Variants in GALNTL6 observed in about 807,000 individuals in gnomAD.
GALNTL6 encodes polypeptide N-acetylgalactosaminyltransferase-like 6.
Under a neutral mutation model 73.7 loss-of-function variants are expected in GALNTL6, and 46 were observed. That is an observed-to-expected ratio of 0.62 (90% CI 0.49 to 0.80). The LOEUF is 0.80. Ranked by LOEUF, GALNTL6 falls within the 30% of genes least tolerant of loss-of-function variation. GALNTL6 has a pLI of 0.00. For missense variants in GALNTL6, 604 were observed against 755.0 expected (o/e 0.80, Z 2.34); for synonymous variants, 259 against 263.7 (o/e 0.98, Z 0.17).
At chr4:172,275,512 G>A (rs1286034665) in intron 3 of GALNTL6, among the ~76,000 whole-genome samples, 1 of 152,094 alleles carries the variant, frequency 6.6e-6, no homozygotes, top group African/African-American at 2.4e-5. Context: ...CTACCTTAGG[G>A]GTTTTTATGG....
chr4:172,072,325 A>C (rs1040568515), intron 2 of GALNTL6, among the ~76,000 whole-genome samples: 1 of 151,932 alleles, frequency 6.6e-6, no homozygotes, highest in African/African-American at 2.4e-5. Flanking sequence ...TTAGTGACTA[A>C]GGTTTGGTCC....
chr4:173,009,318 G>T, intron 11 of GALNTL6, 24 bp downstream of exon 11: 1 of 1,371,764 alleles, frequency 7.3e-7, no homozygotes. Flanking sequence ...CAGAAGCCAG[G>T]GCAGTGGGAA....
intron 6 of GALNTL6, among the ~76,000 whole-genome samples, chr4:172,811,768 T>A (rs1019301847): frequency 6.6e-6 from 1 of 152,180 alleles, no homozygotes; most frequent in African/African-American, 2.4e-5. Flanking sequence ...CTTTCCACAC[T>A]CCAGTATCCT....
chr4:171,917,371 C>A (rs80324096), intron 2 of GALNTL6, among the ~76,000 whole-genome samples: 5,158 of 152,136 alleles, frequency 0.034, 297 homozygotes, highest in African/African-American at 0.12. Flanking sequence ...TTGAACCCAA[C>A]TTTCAGATAT....
intron 5 of GALNTL6, among the ~76,000 whole-genome samples, chr4:172,554,770 C>A (rs958431142): frequency 6.6e-6 from 1 of 152,140 alleles, no homozygotes; most frequent in African/African-American, 2.4e-5. Context: ...TGCCCTCATA[C>A]AAATCCATTG....
intron 5 of GALNTL6, among the ~76,000 whole-genome samples, chr4:172,587,531 G>C (rs1737459937): frequency 6.6e-6 from 1 of 152,160 alleles, no homozygotes. Flanking sequence ...GCTTTCCACA[G>C]TGTGTCTCCC....
intron 5 of GALNTL6, among the ~76,000 whole-genome samples, chr4:172,675,300 C>T (rs535297221): frequency 6.6e-6 from 1 of 152,264 alleles, no homozygotes; most frequent in Non-Finnish European, 1.5e-5. Context: ...TGTATTGGGC[C>T]CCAACTTTGT....
At chr4:172,720,351 C>T (rs1464748303) in intron 5 of GALNTL6, among the ~76,000 whole-genome samples, 1 of 152,112 alleles carries the variant, frequency 6.6e-6, no homozygotes, top group African/African-American at 2.4e-5. Context: ...AGAGTGCTTC[C>T]CGCCCGCCAT....
At chr4:172,608,512 A>G (rs1450117735) in intron 5 of GALNTL6, among the ~76,000 whole-genome samples, 1 of 152,090 alleles carries the variant, frequency 6.6e-6, no homozygotes, top group Non-Finnish European at 1.5e-5. Flanking sequence ...TACCATTGCC[A>G]TGCTGTTTTA....
chr4:172,893,063 T>C (rs1438559470), intron 8 of GALNTL6, among the ~76,000 whole-genome samples: 2 of 152,168 alleles, frequency 1.3e-5, no homozygotes, highest in Non-Finnish European at 2.9e-5. Flanking sequence ...TCCCAGCAGA[T>C]GGCTGTGGGG....
intron 8 of GALNTL6, among the ~76,000 whole-genome samples, chr4:172,908,051 G>C (rs993038891): frequency 6.6e-6 from 1 of 152,142 alleles, no homozygotes; most frequent in Non-Finnish European, 1.5e-5. Flanking sequence ...AGGCTATCAG[G>C]TGACCACAGG....
intron 2 of GALNTL6, among the ~76,000 whole-genome samples, chr4:172,144,347 A>T (rs1322122314): frequency 6.6e-6 from 1 of 152,188 alleles, no homozygotes; most frequent in Non-Finnish European, 1.5e-5. Context: ...ACCAGCTGAT[A>T]ATTTACTAAA....
chr4:172,288,733 C>T (rs924296693), intron 3 of GALNTL6, among the ~76,000 whole-genome samples: 1 of 151,952 alleles, frequency 6.6e-6, no homozygotes, highest in Admixed American at 6.6e-5. Context: ...TTTATTAATA[C>T]TTTTGGTCAG....
chr4:173,039,450 G>A (rs1173628852), intron 12 of GALNTL6, among the ~76,000 whole-genome samples: 6 of 152,044 alleles, frequency 3.9e-5, no homozygotes, highest in Admixed American at 3.3e-4. Context: ...GAGATTCAAT[G>A]TGAGGGAATT....
chr4:172,205,450 G>A (rs886992284), intron 2 of GALNTL6, among the ~76,000 whole-genome samples: 1 of 152,124 alleles, frequency 6.6e-6, no homozygotes, highest in African/African-American at 2.4e-5. Context: ...TGTCCTGAGC[G>A]ACTTAAAAGC....
intron 2 of GALNTL6, among the ~76,000 whole-genome samples, chr4:172,107,185 C>T (rs1732699141): frequency 6.6e-6 from 1 of 152,112 alleles, no homozygotes; most frequent in Non-Finnish European, 1.5e-5. Flanking sequence ...TATCACTAGT[C>T]ATTTTGAACA....
At chr4:172,842,483 G>A (rs540051968) in intron 7 of GALNTL6, among the ~76,000 whole-genome samples, 4 of 152,224 alleles carry the variant, frequency 2.6e-5, no homozygotes, top group South Asian at 4.1e-4. Context: ...TTAAGCCCAA[G>A]TGCTATGAAT....
chr4:172,165,155 A>G (rs562376725), intron 2 of GALNTL6, among the ~76,000 whole-genome samples: 3 of 152,218 alleles, frequency 2.0e-5, no homozygotes, highest in South Asian at 2.1e-4. Context: ...TGATTGTGCC[A>G]TCTTTATTTT....
intron 5 of GALNTL6, among the ~76,000 whole-genome samples, chr4:172,751,694 G>A (rs1579435463): frequency 6.6e-6 from 1 of 152,306 alleles, no homozygotes; most frequent in East Asian, 1.9e-4. Flanking sequence ...CAGCCTCTGG[G>A]CACATCCACA....
Sources: allele counts gnomAD v4.1 joint callset (sites outside exome capture counted in the v4.1 genomes callset), GRCh38; gene constraint gnomAD v4.1.1; transcripts MANE v1.5; gene names NCBI Gene and HGNC (gene_info 2026-07-23, HGNC 2026-07-21).